ITPR2: variants seen among roughly 807,000 people sequenced by gnomAD.
ITPR2 encodes inositol 1,4,5-trisphosphate receptor type 2.
ITPR2 carries 207 observed loss-of-function variants against 317.1 expected under a neutral mutation model. That is an observed-to-expected ratio of 0.65 (90% CI 0.58 to 0.73). ITPR2 has a LOEUF of 0.73. ITPR2 is among the 30% of genes least tolerant of loss of function. ITPR2 has a pLI of 0.00. For synonymous variants in ITPR2, 1,156 were observed against 1,149.1 expected (o/e 1.01, Z -0.12); for missense variants, 2,613 against 3,284.0 (o/e 0.80, Z 4.99).
chr12:26,436,252 G>A lies in ITPR2; in HGVS notation c.6738C>T (p.Leu2246=), dbSNP rs1202674124. The A allele has an allele frequency of 3.1e-6, 5 of 1,612,042 alleles. No homozygotes were observed. In the East Asian group the frequency reaches 6.7e-5, roughly 22 times the overall value. Reference sequence around the variant, plus strand: ...CTCCATCATCCCCAAATGGGTAGAAGAGAGCAACAGCTAAATTGATGAACA... The same window carrying A: ...CTCCATCATCCCCAAATGGGTAGAAAAGAGCAACAGCTAAATTGATGAACA... ...LAVFINLAVA[L]FYPFGDDGDE... Residue 2246 remains leucine (L), a synonymous_variant, in exon 48 of 57, where the codon CTC becomes CTT. Transcript: ENST00000381340.
At chr12:26,627,037 T>A (rs1472376976) in intron 23 of ITPR2, among the ~76,000 whole-genome samples, 1 of 152,240 alleles carries the variant, frequency 6.6e-6, no homozygotes, top group Non-Finnish European at 1.5e-5. Flanking sequence ...ATAACTGTGC[T>A]CTTTTGTTAT....
chr12:26,593,048 G>T (rs1258199351), intron 32 of ITPR2, among the ~76,000 whole-genome samples: 2 of 152,158 alleles, frequency 1.3e-5, no homozygotes, highest in African/African-American at 2.4e-5. Context: ...GCCCAGAGGG[G>T]TTAAGTACTT....
chr12:26,364,349 A>T, intron 55 of ITPR2, among the ~76,000 whole-genome samples: 1 of 152,318 alleles, frequency 6.6e-6, no homozygotes, highest in Non-Finnish European at 1.5e-5. Flanking sequence ...GTTCACTGCC[A>T]TTCTGGGATA....
chr12:26,805,745 G>A, intron 1 of ITPR2, among the ~76,000 whole-genome samples: 1 of 56,256 alleles, frequency 1.8e-5, no homozygotes, highest in Non-Finnish European at 4.2e-5. Context: ...GTGGGACCGT[G>A]TTCACTATGT....
intron 26 of ITPR2, among the ~76,000 whole-genome samples, chr12:26,615,711 A>C (rs1187511875): frequency 6.6e-6 from 1 of 152,190 alleles, no homozygotes; most frequent in Non-Finnish European, 1.5e-5. Flanking sequence ...GTAAAAATAT[A>C]ATAATTTCAA....
intron 36 of ITPR2, among the ~76,000 whole-genome samples, chr12:26,554,258 G>A (rs1337218199): frequency 1.3e-5 from 2 of 152,176 alleles, no homozygotes. Context: ...GTAGCCATTA[G>A]CCACATGTGG....
chr12:26,494,009 TAAGAA>T, intron 39 of ITPR2, 139 bp downstream of exon 39: 1 of 585,630 alleles, frequency 1.7e-6, no homozygotes, highest in Non-Finnish European at 2.8e-6. Context: ...CAAACAAATT[TAAGAA>T]AAGTGTGATA....
chr12:26,532,603 C>G (rs1427594417), intron 37 of ITPR2, among the ~76,000 whole-genome samples: 2 of 152,160 alleles, frequency 1.3e-5, no homozygotes, highest in African/African-American at 4.8e-5. Context: ...AGCCACTGTG[C>G]CCAGCCCCCG....
At chr12:26,444,901 C>A (rs1941572490) in intron 45 of ITPR2, among the ~76,000 whole-genome samples, 1 of 152,096 alleles carries the variant, frequency 6.6e-6, no homozygotes, top group South Asian at 2.1e-4. Context: ...ATCAATCACT[C>A]AAGAAAACTA....
At chr12:26,671,291 G>C (rs1473859844) in intron 13 of ITPR2, among the ~76,000 whole-genome samples, 1 of 152,170 alleles carries the variant, frequency 6.6e-6, no homozygotes, top group Non-Finnish European at 1.5e-5. Flanking sequence ...GTTAAGGGCA[G>C]CCAGAGAGAA....
intron 55 of ITPR2, among the ~76,000 whole-genome samples, chr12:26,361,608 A>T (rs1591962957): frequency 6.6e-6 from 1 of 152,216 alleles, no homozygotes; most frequent in Non-Finnish European, 1.5e-5. Flanking sequence ...GGGTAACGTG[A>T]TATATAAAAA....
chr12:26,525,133 T>C (rs191042088), intron 37 of ITPR2, among the ~76,000 whole-genome samples: 34 of 152,242 alleles, frequency 2.2e-4, no homozygotes, highest in African/African-American at 7.5e-4. Flanking sequence ...GATAAAGAAA[T>C]TTCCAAAGAT....
intron 1 of ITPR2, among the ~76,000 whole-genome samples, chr12:26,821,006 G>A (rs968188542): frequency 6.6e-6 from 1 of 152,138 alleles, no homozygotes; most frequent in African/African-American, 2.4e-5. Context: ...TTTTCTAAAG[G>A]ATACAGAGTT....
At chr12:26,817,671 A>C (rs1419379143) in intron 1 of ITPR2, among the ~76,000 whole-genome samples, 1 of 152,204 alleles carries the variant, frequency 6.6e-6, no homozygotes, top group African/African-American at 2.4e-5. Flanking sequence ...GGGAATACAT[A>C]ATCTGGCTCT....
At chr12:26,374,047 C>T (rs1440352662) in intron 55 of ITPR2, among the ~76,000 whole-genome samples, 3 of 152,166 alleles carry the variant, frequency 2.0e-5, no homozygotes, top group Non-Finnish European at 2.9e-5. Flanking sequence ...TATGTCTGTC[C>T]TCATGTCCTC....
In ITPR2 at chr12:26,711,272, C is replaced by T. The variant is rs189750454; in HGVS notation, c.856-4G>A. 3 of 1,600,402 alleles carry T rather than the reference C, an allele frequency of 1.9e-6. No individual in the cohort carries two copies. The highest frequency in any genetic ancestry group is 1.3e-5 in the African/African-American group (1 of 74,760). On this transcript the variant is annotated splice_region_variant and splice_polypyrimidine_tract_variant and intron_variant, in intron 8 of 56. Transcript: ENST00000381340. Reference sequence around the variant, plus strand: ...GGCATGGGTCATGATGAACCACCTACAAAGAGAGCAACGATAGTAATGGCA... The same window carrying T: ...GGCATGGGTCATGATGAACCACCTATAAAGAGAGCAACGATAGTAATGGCA...
chr12:26,720,483 C>T (rs768092801), intron 5 of ITPR2, among the ~76,000 whole-genome samples: 2 of 152,092 alleles, frequency 1.3e-5, no homozygotes, highest in East Asian at 1.9e-4. Flanking sequence ...TTTAGAAATA[C>T]GCTACCTATT....
chr12:26,439,601 C>A lies in ITPR2; in HGVS notation c.6451-282G>T, dbSNP rs1399346429. 2.6e-5 allele frequency among the ~76,000 whole-genome samples: 4 copies of A among 152,154 alleles called. No homozygotes were observed. In the East Asian group the frequency reaches 7.7e-4, roughly 29 times the overall value. On this transcript the variant is annotated intron_variant, in intron 46 of 56. Coordinates refer to ENST00000381340, the MANE Select transcript of ITPR2 (RefSeq NM_002223.4). ...TTCTGGGTTAGCATTACACTTCTGC[C>A]ACCCATTTTTATTTTTGTGAAGTAC... is the stretch of plus-strand genomic sequence containing the variant.
At chr12:26,633,319 A>G (rs546714130) in intron 21 of ITPR2, among the ~76,000 whole-genome samples, 10 of 152,354 alleles carry the variant, frequency 6.6e-5, no homozygotes, top group African/African-American at 2.2e-4. Context: ...CATTGTGAAA[A>G]GGTAAAATGC....
Sources: allele counts gnomAD v4.1 joint callset (sites outside exome capture counted in the v4.1 genomes callset), GRCh38; gene constraint gnomAD v4.1.1; transcripts MANE v1.5; gene names NCBI Gene and HGNC (gene_info 2026-07-23, HGNC 2026-07-21).